Variants in NOL4 observed in about 807,000 individuals in gnomAD.
NOL4 encodes the protein cancer/testis antigen 125.
Under a neutral mutation model 75.9 loss-of-function variants are expected in NOL4, and 17 were observed. The ratio of observed to expected loss-of-function variants is 0.22; its 90% CI spans 0.15 to 0.34. The LOEUF (loss-of-function observed/expected upper bound fraction) is 0.34. Ranked by LOEUF, NOL4 falls within the 10% of genes least tolerant of loss-of-function variation. The probability of loss-of-function intolerance (pLI) is 1.00; values close to 1 mark genes in which losing one functional copy is unlikely to be tolerated. For missense variants in NOL4, 614 were observed against 793.5 expected (o/e 0.77, Z 2.72); for synonymous variants, 292 against 289.9 (o/e 1.01, Z -0.07).
At position 34,217,948 on chromosome 18, in the gene NOL4, T is replaced by C. The variant is rs527266722; in HGVS notation, c.264+5042A>G. 8.5e-5 allele frequency among the ~76,000 whole-genome samples: 13 copies of C among 152,222 alleles called. No homozygotes were observed. In the East Asian group the frequency reaches 2.3e-3, roughly 27 times the overall value. ...GTAAACGTCAGAGCCAGGATTTAAATTGTGCTGTAAAATCAACACTCTACT... is the reference window on the plus strand; with the variant it reads ...GTAAACGTCAGAGCCAGGATTTAAACTGTGCTGTAAAATCAACACTCTACT... On this transcript the variant is annotated intron_variant, in intron 1 of 10. Coordinates refer to ENST00000261592, the MANE Select transcript of NOL4 (RefSeq NM_003787.5).
intron 6 of NOL4, among the ~76,000 whole-genome samples, chr18:33,963,709 C>T (rs1483323915): frequency 1.3e-5 from 2 of 152,140 alleles, no homozygotes; most frequent in Admixed American, 1.3e-4. Context: ...TTATTCCTCC[C>T]ATGATAAAAC....
At chr18:34,051,198 A>G (rs1415767918) in intron 5 of NOL4, among the ~76,000 whole-genome samples, 2 of 152,088 alleles carry the variant, frequency 1.3e-5, no homozygotes, top group Non-Finnish European at 2.9e-5. Context: ...TTCTTAATAC[A>G]AAGTCTGCTA....
rs772761092 is a variant in NOL4, at chr18:34,019,427, G to A, written c.947C>T (p.Thr316Ile). The part of the protein sequence containing the change: ...LSDSPLSAQL[T>I]SEYRIDDHNS... ...GTGATCATCTATTCTGTATTCCGAAGTTAGCTGCGCAGAGAGGGGACTGTC... is the reference window on the plus strand; with the variant it reads ...GTGATCATCTATTCTGTATTCCGAAATTAGCTGCGCAGAGAGGGGACTGTC... Residue 316 changes from threonine to isoleucine, a missense_variant, in exon 6 of 11, where the codon ACT (threonine) becomes ATT (isoleucine). Physicochemically the swap from Thr to Ile is moderately conservative, Grantham distance 89 (BLOSUM62 -1). Coordinates refer to ENST00000261592, the MANE Select transcript of NOL4 (RefSeq NM_003787.5). 32 of 1,613,890 alleles carry A rather than the reference G, an allele frequency of 2.0e-5. No homozygotes were observed. In the Admixed American group the frequency reaches 5.3e-4, roughly 27 times the overall value.
chr18:34,016,081 G>C (rs1306112743), intron 6 of NOL4, among the ~76,000 whole-genome samples: 4 of 152,002 alleles, frequency 2.6e-5, no homozygotes, highest in African/African-American at 9.7e-5. Context: ...TCATATTGTA[G>C]GCTATGTGAA....
Position 34,191,823 on chromosome 18 carries a change from T to A in NOL4, c.264+31167A>T, listed in dbSNP as rs570338489. The stretch of plus-strand genomic sequence containing the variant: ...GACTACGCCAGCAGAGAAAGGCCAA[T>A]AGAGGAATACAGGTTGGTGATATTA... On this transcript the variant is annotated intron_variant, in intron 1 of 10. Transcript: ENST00000261592. Among the ~76,000 whole-genome samples the A allele has an allele frequency of 4.6e-5, 7 of 152,208 alleles. No individual in the cohort carries two copies. The East Asian group carries it at 1.4e-3, about 29-fold the overall frequency.
chr18:34,223,007 C>T lies in NOL4; in HGVS notation c.247G>A (p.Val83Met), dbSNP rs2037433755. 6.2e-7 allele frequency: 1 copy of T among 1,609,726 alleles called. No homozygotes were observed. Among genetic ancestry groups the T allele is most frequent in the Admixed American group, 1.7e-5 (1 of 60,012 alleles). ...TCACTCACCGTGGTCTTGACAGGCA[C>T]GTAGAGCACTTGCTTGGCGCCGCCG... is the stretch of plus-strand genomic sequence containing the variant. Reference protein sequence around the residue: ...GGGGAKQVLYVPVKTTDGVGV... With the variant: ...GGGGAKQVLYMPVKTTDGVGV... The change falls in exon 1 of 11, where the codon GTG becomes ATG. Residue 83 changes from valine to methionine, a missense_variant. By Grantham distance (21) the Val-to-Met change is conservative (BLOSUM62 1). This residue lies in a region of NOL4 where 49 missense variants were observed against 39.6 expected (regional missense o/e 1.24). Transcript: ENST00000261592.
chr18:33,920,987 G>A (rs1395813619), intron 9 of NOL4, among the ~76,000 whole-genome samples: 1 of 152,148 alleles, frequency 6.6e-6, no homozygotes, highest in African/African-American at 2.4e-5. Flanking sequence ...CAGAGCATGG[G>A]GCTACAGATG....
intron 5 of NOL4, among the ~76,000 whole-genome samples, chr18:34,090,668 G>A (rs1338718895): frequency 6.6e-6 from 1 of 152,032 alleles, no homozygotes; most frequent in Non-Finnish European, 1.5e-5. Context: ...AAAAAGGGGG[G>A]GAGGCATTGT....
chr18:33,882,797 G>A (rs2064376786), intron 10 of NOL4, among the ~76,000 whole-genome samples: 1 of 151,900 alleles, frequency 6.6e-6, no homozygotes, highest in African/African-American at 2.4e-5. Flanking sequence ...CAAAGAATTG[G>A]AACCAACCCA....
At chr18:33,961,773 C>T (rs1204151573) in intron 6 of NOL4, among the ~76,000 whole-genome samples, 1 of 151,854 alleles carries the variant, frequency 6.6e-6, no homozygotes, top group Admixed American at 6.6e-5. Context: ...CACAGGATTT[C>T]AGCATTGGAG....
intron 1 of NOL4, among the ~76,000 whole-genome samples, chr18:34,201,759 G>T (rs1240870036): frequency 6.6e-6 from 1 of 151,462 alleles, no homozygotes; most frequent in Non-Finnish European, 1.5e-5. Flanking sequence ...ATATTCTAGG[G>T]TCAGAATTAT....
intron 1 of NOL4, among the ~76,000 whole-genome samples, chr18:34,184,396 G>A (rs1426436816): frequency 6.6e-6 from 1 of 151,952 alleles, no homozygotes; most frequent in Non-Finnish European, 1.5e-5. Flanking sequence ...ATATGGAAAA[G>A]CAGCATGAAA....
intron 9 of NOL4, among the ~76,000 whole-genome samples, chr18:33,931,848 G>T (rs1363744497): frequency 6.6e-6 from 1 of 151,932 alleles, no homozygotes; most frequent in African/African-American, 2.4e-5. Flanking sequence ...TAAATGCAAA[G>T]TTTTTATGTT....
chr18:34,186,747 A>T (rs2034489378), intron 1 of NOL4, among the ~76,000 whole-genome samples: 1 of 152,178 alleles, frequency 6.6e-6, no homozygotes, highest in African/African-American at 2.4e-5. Flanking sequence ...CAGAACCAAT[A>T]AACTGCCTTT....
intron 6 of NOL4, among the ~76,000 whole-genome samples, chr18:33,990,008 A>C (rs1485560633): frequency 6.6e-6 from 1 of 152,112 alleles, no homozygotes; most frequent in African/African-American, 2.4e-5. Context: ...GCTGAGGTGT[A>C]GTAGCAGACT....
At chr18:34,217,294 A>ATTTT (rs973740706) in intron 1 of NOL4, among the ~76,000 whole-genome samples, 1 of 150,814 alleles carries the variant, frequency 6.6e-6, no homozygotes, top group Admixed American at 6.6e-5. Context: ...TTATTTATTT[A>ATTTT]TTTTTTTTGA....
At chr18:34,102,042 C>A (rs969348981) in intron 4 of NOL4, among the ~76,000 whole-genome samples, 4 of 151,714 alleles carry the variant, frequency 2.6e-5, no homozygotes, top group Non-Finnish European at 5.9e-5. Flanking sequence ...AGGAAGTTTT[C>A]ACTATATCCC....
At chr18:34,044,732 G>T (rs2076286060) in intron 5 of NOL4, among the ~76,000 whole-genome samples, 1 of 152,140 alleles carries the variant, frequency 6.6e-6, no homozygotes, top group Admixed American at 6.6e-5. Context: ...AAGACTTAAA[G>T]ATCAAACTTA....
chr18:33,920,135 A>G (rs2066944810), intron 9 of NOL4, among the ~76,000 whole-genome samples: 1 of 152,094 alleles, frequency 6.6e-6, no homozygotes, highest in African/African-American at 2.4e-5. Flanking sequence ...ATATTGTATA[A>G]GAGTTTTTAT....
Sources: allele counts gnomAD v4.1 joint callset (sites outside exome capture counted in the v4.1 genomes callset), GRCh38; gene constraint gnomAD v4.1.1; regional missense constraint gnomAD v4.1.1; transcripts MANE v1.5; gene names NCBI Gene and HGNC (gene_info 2026-07-23, HGNC 2026-07-21).